ADGRL3: variants seen among roughly 807,000 people sequenced by gnomAD.
The protein encoded by ADGRL3 is calcium-independent alpha-latrotoxin receptor 3.
In ADGRL3, 62 loss-of-function variants were observed where a neutral mutation model predicts 153.5. That is an observed-to-expected ratio of 0.40 (90% confidence interval 0.33 to 0.50). The LOEUF is 0.50. Among genes scored for constraint, ADGRL3 ranks in the 20% least tolerant of loss-of-function variants. The pLI, the probability that ADGRL3 is intolerant of heterozygous loss-of-function variation, is 0.47. For synonymous variants in ADGRL3, 710 were observed against 672.5 expected (o/e 1.06, Z -0.86); for missense variants, 1,641 against 1,859.4 (o/e 0.88, Z 2.16).
At position 61,935,019 on chromosome 4, in the gene ADGRL3, T is replaced by C. The variant is rs2098832235; in HGVS notation, c.2292T>C (p.Asn764=). The change falls in exon 14 of 27, where the codon AAT becomes AAC. Residue 764 remains asparagine, a synonymous_variant. Coordinates refer to ENST00000683033, the MANE Select transcript of ADGRL3 (RefSeq NM_001387552.1). ...KTDIVRENTD[N]IKLEVARLST... is the part of the protein sequence containing the mutation. Reference sequence around the variant, plus strand: ...ACATTGTCAGGGAGAATACAGACAATATTAGTAAGTGGCCTTTGTTATTCA... The same window carrying C: ...ACATTGTCAGGGAGAATACAGACAACATTAGTAAGTGGCCTTTGTTATTCA... 3.1e-6 allele frequency: 5 copies of C among 1,613,306 alleles called. No individual in the cohort carries two copies. The highest frequency in any genetic ancestry group is 4.2e-6 in the Non-Finnish European group (5 of 1,179,440).
chr4:61,752,794 C>T (rs540437037), intron 8 of ADGRL3, among the ~76,000 whole-genome samples: 1 of 152,194 alleles, frequency 6.6e-6, no homozygotes, highest in South Asian at 2.1e-4. Context: ...ATTACCAGAG[C>T]ATGCTGGCAT....
chr4:62,014,847 C>G (rs1288472438), intron 21 of ADGRL3, among the ~76,000 whole-genome samples: 1 of 152,182 alleles, frequency 6.6e-6, no homozygotes, highest in East Asian at 1.9e-4. Context: ...CACCATACTC[C>G]AGGTGCTTAT....
chr4:61,340,845 T>G (rs1167674951), intron 1 of ADGRL3, among the ~76,000 whole-genome samples: 2 of 151,172 alleles, frequency 1.3e-5, no homozygotes, highest in East Asian at 3.9e-4. Flanking sequence ...TATATATATA[T>G]AAAATATTAT....
At chr4:61,546,127 C>A (rs1340859430) in intron 4 of ADGRL3, among the ~76,000 whole-genome samples, 2 of 152,116 alleles carry the variant, frequency 1.3e-5, no homozygotes, top group Non-Finnish European at 2.9e-5. Context: ...AATTAATTCT[C>A]CAGAGCACTG....
intron 1 of ADGRL3, among the ~76,000 whole-genome samples, chr4:61,217,636 G>T (rs555819270): frequency 6.6e-6 from 1 of 152,264 alleles, no homozygotes; most frequent in African/African-American, 2.4e-5. Context: ...CGGTGGTCAG[G>T]CACTGAAGAT....
Position 61,983,476 on chromosome 4 carries a change from C to A in ADGRL3, c.3109C>A (p.Leu1037Met). 1 of 1,613,876 alleles carries A rather than the reference C, an allele frequency of 6.2e-7. No homozygotes were observed. Among genetic ancestry groups the A allele is most frequent in the Non-Finnish European group, 8.5e-7 (1 of 1,179,882 alleles). The change falls in exon 19 of 27, where the codon CTG becomes ATG. Residue 1037 changes from leucine to methionine, a missense_variant. This residue lies in a region of ADGRL3 where 734 missense variants were observed against 797.0 expected (regional missense o/e 0.92). Transcript: ENST00000683033. ...FLEGVQLYIM[L>M]VEVFESEHSR... is the part of the protein sequence containing the mutation. ...GGAGGGGGTGCAGCTTTATATCATGCTGGTGGAGGTTTTTGAGAGTGAACA... is the reference window on the plus strand; with the variant it reads ...GGAGGGGGTGCAGCTTTATATCATGATGGTGGAGGTTTTTGAGAGTGAACA...
chr4:62,070,211 G>C lies in ADGRL3; in HGVS notation c.3935G>C (p.Ser1312Thr), dbSNP rs771099254. ...AGCATTGCCAGCGGCGAATACCTGA[G>C]CAACTGTGTGCAAATCATAGACCGT... The part of the protein sequence containing the change: ...SYSIASGEYL[S>T]NCVQIIDRGY... Residue 1312 changes from serine to threonine, a missense_variant, in exon 27 of 27, where the codon AGC becomes ACC. Around this residue, in one of 5 missense-constraint regions of ADGRL3, gnomAD observed 517 missense variants for 555.0 expected, o/e 0.93. Coordinates refer to ENST00000683033, the MANE Select transcript of ADGRL3 (RefSeq NM_001387552.1). The C allele has an allele frequency of 6.2e-7, 1 of 1,613,938 alleles. No individual in the cohort carries two copies. The highest frequency in any genetic ancestry group is 1.1e-5 in the South Asian group (1 of 91,080).
Position 61,390,143 on chromosome 4 carries a change from T to C in ADGRL3, c.-174+6954T>C, listed in dbSNP as rs1208823895. On this transcript the variant is annotated intron_variant, in intron 2 of 26. Coordinates refer to ENST00000683033, the MANE Select transcript of ADGRL3 (RefSeq NM_001387552.1). The stretch of plus-strand genomic sequence containing the variant: ...TAAAATAATGACTAATTTTAAAATT[T>C]AGTTATTTTAAAATAAATGTTTATT... Among the ~76,000 whole-genome samples the C allele has an allele frequency of 4.6e-5, 7 of 152,212 alleles. No homozygotes were observed. In the South Asian group the frequency reaches 1.2e-3, roughly 27 times the overall value.
At position 62,033,315 on chromosome 4, in the gene ADGRL3, A is replaced by G. The variant is rs147188891; in HGVS notation, c.3591+1705A>G. ...TGGTACCACCTAAACTGCAAGGGAG[A>G]CAGAAAAACATAGTATAGCTTTTTT... On this transcript the variant is annotated intron_variant, in intron 23 of 26. Transcript: ENST00000683033. Among the ~76,000 whole-genome samples the G allele has an allele frequency of 4.1e-4, 62 of 151,804 alleles. No homozygotes were observed. In the East Asian group the frequency reaches 9.7e-3, roughly 24 times the overall value.
intron 8 of ADGRL3, among the ~76,000 whole-genome samples, chr4:61,767,972 C>T (rs1003004967): frequency 4.6e-5 from 7 of 151,940 alleles, no homozygotes; most frequent in Admixed American, 3.9e-4. Context: ...TATTTAATGT[C>T]GGGAGCAGAT....
At chr4:62,063,956 GAAAT>G (rs1741585792) in intron 25 of ADGRL3, among the ~76,000 whole-genome samples, 1 of 151,952 alleles carries the variant, frequency 6.6e-6, no homozygotes, top group African/African-American at 2.4e-5. Context: ...TTTATTTTGA[GAAAT>G]AAGATATTTT....
chr4:61,459,433 C>G (rs2097786738), intron 2 of ADGRL3, among the ~76,000 whole-genome samples: 1 of 151,678 alleles, frequency 6.6e-6, no homozygotes, highest in African/African-American at 2.4e-5. Flanking sequence ...CTATATCTAC[C>G]ACATTTTCTT....
At chr4:61,224,908 G>T (rs1234506641) in intron 1 of ADGRL3, among the ~76,000 whole-genome samples, 1 of 152,162 alleles carries the variant, frequency 6.6e-6, no homozygotes, top group Non-Finnish European at 1.5e-5. Flanking sequence ...AAAGGAGAGG[G>T]TCCTCTTATT....
intron 8 of ADGRL3, among the ~76,000 whole-genome samples, chr4:61,744,742 A>G (rs113966582): frequency 0.087 from 13,164 of 152,164 alleles, 1,212 homozygotes; most frequent in African/African-American, 0.23. Flanking sequence ...GACCAAAAGT[A>G]GATAAAACCA....
intron 2 of ADGRL3, among the ~76,000 whole-genome samples, chr4:61,468,311 G>T (rs2097908747): frequency 6.6e-6 from 1 of 152,068 alleles, no homozygotes; most frequent in African/African-American, 2.4e-5. Flanking sequence ...AGGTAGCTCA[G>T]CTTCAGCTTT....
At chr4:61,541,063 G>A (rs1041430185) in intron 4 of ADGRL3, among the ~76,000 whole-genome samples, 7 of 152,226 alleles carry the variant, frequency 4.6e-5, no homozygotes, top group Non-Finnish European at 1.0e-4. Context: ...ACTGTTATCA[G>A]AGGCAGGGTA....
intron 9 of ADGRL3, among the ~76,000 whole-genome samples, chr4:61,849,710 A>C (rs1459339801): frequency 6.6e-6 from 1 of 152,092 alleles, no homozygotes; most frequent in East Asian, 1.9e-4. Context: ...TAAATTTCCA[A>C]TTCTTTCTTA....
intron 8 of ADGRL3, among the ~76,000 whole-genome samples, chr4:61,766,712 G>T (rs2152267045): frequency 6.6e-6 from 1 of 152,018 alleles, no homozygotes; most frequent in African/African-American, 2.4e-5. Flanking sequence ...ATGGGTGTCA[G>T]GGTCAGTCCA....
intron 2 of ADGRL3, among the ~76,000 whole-genome samples, chr4:61,439,005 A>G (rs1196764622): frequency 2.0e-5 from 3 of 152,094 alleles, no homozygotes; most frequent in Admixed American, 2.0e-4. Flanking sequence ...GGACCTAACG[A>G]TAATATGTTA....
Sources: gnomAD v4.1 joint callset for allele counts (sites outside exome capture counted in the v4.1 genomes callset) on GRCh38, gnomAD v4.1.1 for gene constraint, gnomAD v4.1.1 regional missense constraint, MANE v1.5 for transcripts, NCBI Gene and HGNC (gene_info 2026-07-23, HGNC 2026-07-21) for gene names.